CEP85L: variants seen among roughly 807,000 people sequenced by gnomAD.
CEP85L encodes the protein centrosomal protein of 85 kDa-like.
A neutral mutation model predicts 100.3 loss-of-function variants in CEP85L; 60 were observed. The observed-to-expected ratio is 0.60, with a 90% CI of 0.49 to 0.74. The LOEUF is 0.74. Ranked by LOEUF, CEP85L falls within the 30% of genes least tolerant of loss-of-function variation. CEP85L has a pLI of 0.00. For missense variants in CEP85L, 973 were observed against 936.2 expected (o/e 1.04, Z -0.51); for synonymous variants, 319 against 322.7 (o/e 0.99, Z 0.12).
At chr6:118,489,966 T>TGTGTGTATATATATACACAC (rs1562192598) in intron 6 of CEP85L, among the ~76,000 whole-genome samples, 3 of 142,056 alleles carry the variant, frequency 2.1e-5, no homozygotes, top group African/African-American at 8.3e-5. Flanking sequence ...CACACACACA[T>TGTGTGTATATATATACACAC]ACGTGTGTGT....
intron 1 of CEP85L, among the ~76,000 whole-genome samples, chr6:118,644,306 G>C: frequency 6.6e-6 from 1 of 151,670 alleles, no homozygotes; most frequent in South Asian, 2.1e-4. Context: ...GTCTTTGGAC[G>C]GCACATCTTC....
intron 2 of CEP85L, among the ~76,000 whole-genome samples, chr6:118,620,022 A>G (rs1439156687): frequency 1.3e-5 from 2 of 152,196 alleles, no homozygotes; most frequent in Admixed American, 1.3e-4. Flanking sequence ...GCTAACTTGT[A>G]TCTTGGAAGG....
In CEP85L at chr6:118,660,600, G is replaced by A. The variant is rs78233511; in HGVS notation, c.-27-7792C>T. Among the ~76,000 whole-genome samples, 297 of 152,324 alleles carry A rather than the reference G, an allele frequency of 1.9e-3. 1 individual carries two copies. The highest frequency in any genetic ancestry group is 6.8e-3 in the African/African-American group (281 of 41,564). On this transcript the variant is annotated intron_variant, in intron 1 of 13. Coordinates refer to the CEP85L transcript ENST00000368488. ...AACAAACACTGTATTTAGGTTCACAGGATCTATATTGAATGTCTTTTCAAA... is the reference window on the plus strand; with the variant it reads ...AACAAACACTGTATTTAGGTTCACAAGATCTATATTGAATGTCTTTTCAAA...
chr6:118,529,606 T>C (rs1777170361), intron 3 of CEP85L, among the ~76,000 whole-genome samples: 1 of 59,772 alleles, frequency 1.7e-5, no homozygotes. Context: ...AGACTCTGTC[T>C]CCAAAAAAAA....
At chr6:118,483,890 T>C (rs1436788200) in intron 6 of CEP85L, 32 bp from the exon 7 acceptor site, 17 of 1,592,518 alleles carry the variant, frequency 1.1e-5, no homozygotes, top group Non-Finnish European at 1.5e-5. Flanking sequence ...CCTTCAGTAG[T>C]TTTCAGTCAT....
At chr6:118,596,166 G>A (rs952922062) in intron 2 of CEP85L, among the ~76,000 whole-genome samples, 1 of 151,974 alleles carries the variant, frequency 6.6e-6, no homozygotes, top group Non-Finnish European at 1.5e-5. Flanking sequence ...TGTGGTTAAT[G>A]GATGACCCCA....
intron 2 of CEP85L, among the ~76,000 whole-genome samples, chr6:118,593,940 T>C (rs993021024): frequency 3.9e-5 from 6 of 152,188 alleles, no homozygotes; most frequent in African/African-American, 1.4e-4. Context: ...CCTTTTACCT[T>C]GCTGGTTCCT....
chr6:118,630,197 C>T (rs1405000701), intron 2 of CEP85L, among the ~76,000 whole-genome samples: 1 of 152,156 alleles, frequency 6.6e-6, no homozygotes. Flanking sequence ...GTGTGTGGGT[C>T]TCCTTCATGA....
At chr6:118,514,714 A>G (rs976836474) in intron 4 of CEP85L, among the ~76,000 whole-genome samples, 1 of 152,142 alleles carries the variant, frequency 6.6e-6, no homozygotes, top group African/African-American at 2.4e-5. Context: ...ATAAGGACAC[A>G]AACAGGTTAA....
intron 3 of CEP85L, among the ~76,000 whole-genome samples, chr6:118,531,459 T>C (rs775143278): frequency 2.0e-5 from 3 of 152,050 alleles, no homozygotes; most frequent in Non-Finnish European, 4.4e-5. Flanking sequence ...TTGGCAAAGA[T>C]TTCATGATGA....
intron 1 of CEP85L, among the ~76,000 whole-genome samples, chr6:118,672,652 G>T (rs1776344116): frequency 6.6e-6 from 1 of 152,120 alleles, no homozygotes; most frequent in African/African-American, 2.4e-5. Flanking sequence ...TGTAATCTCA[G>T]CTACTCAGGA....
intron 2 of CEP85L, among the ~76,000 whole-genome samples, chr6:118,599,832 T>C (rs1448999299): frequency 6.6e-6 from 1 of 152,122 alleles, no homozygotes; most frequent in Non-Finnish European, 1.5e-5. Context: ...CAAATCTAAT[T>C]TGAAAGACAT....
At chr6:118,540,810 C>T (rs941286733) in intron 3 of CEP85L, among the ~76,000 whole-genome samples, 1 of 151,994 alleles carries the variant, frequency 6.6e-6, no homozygotes, top group Non-Finnish European at 1.5e-5. Context: ...CTTTCTGACC[C>T]TTGCGGTCTA....
intron 5 of CEP85L, among the ~76,000 whole-genome samples, chr6:118,499,177 A>G (rs1047533934): frequency 2.0e-5 from 3 of 152,234 alleles, no homozygotes; most frequent in Non-Finnish European, 2.9e-5. Flanking sequence ...AAATCATCTA[A>G]GCCTCCACCT....
chr6:118,632,710 A>G, intron 1 of CEP85L, 99 bp from the exon 2 acceptor site: 1 of 891,864 alleles, frequency 1.1e-6, no homozygotes, highest in Non-Finnish European at 1.6e-6. Context: ...TAAAAGGTAT[A>G]AAAGGTTCTT....
intron 1 of CEP85L, among the ~76,000 whole-genome samples, chr6:118,633,006 A>G (rs1355731230): frequency 2.6e-5 from 4 of 152,196 alleles, no homozygotes; most frequent in Non-Finnish European, 5.9e-5. Context: ...AAATTCAATA[A>G]TAATGCATGA....
At chr6:118,568,144 C>A (rs977681829) in intron 2 of CEP85L, among the ~76,000 whole-genome samples, 5 of 152,210 alleles carry the variant, frequency 3.3e-5, no homozygotes, top group Admixed American at 3.3e-4. Flanking sequence ...GCAGAGGCAT[C>A]ACCTTTCCAC....
In CEP85L at chr6:118,646,441, G is replaced by A. The variant is rs1775196190; in HGVS notation, c.73+4756C>T. ...CCCAGCACTCTCGGAGGCCAAGGCAGGCGGATCACTTGAGGTCAGGAGTTC... is the reference window on the plus strand; with the variant it reads ...CCCAGCACTCTCGGAGGCCAAGGCAAGCGGATCACTTGAGGTCAGGAGTTC... On this transcript the variant is annotated intron_variant, in intron 1 of 12. Transcript: ENST00000368491. 1.3e-5 allele frequency among the ~76,000 whole-genome samples: 2 copies of A among 152,004 alleles called. 1 individual carries two copies. Among genetic ancestry groups the A allele is most frequent in the South Asian group, 4.2e-4 (2 of 4,808 alleles).
At chr6:118,595,979 C>G (rs1429028467) in intron 2 of CEP85L, among the ~76,000 whole-genome samples, 1 of 152,192 alleles carries the variant, frequency 6.6e-6, no homozygotes, top group South Asian at 2.1e-4. Flanking sequence ...TGATAATACA[C>G]AAATTTCATG....
Sources: gnomAD v4.1 joint callset for allele counts (sites outside exome capture counted in the v4.1 genomes callset) on GRCh38, gnomAD v4.1.1 for gene constraint, MANE v1.5 for transcripts, NCBI Gene and HGNC (gene_info 2026-07-23, HGNC 2026-07-21) for gene names.